Variants in POU2AF3 observed in about 807,000 individuals in gnomAD.
POU2AF3 encodes cancer susceptibility candidate 13.
chr11:111,298,975 G>T, the POU2AF3 span: 1 of 1,008,662 alleles, frequency 9.9e-7, no homozygotes, highest in Non-Finnish European at 1.2e-6. Context: ...GAGCCGAGCT[G>T]TGGCGGTCCC....
the POU2AF3 span, chr11:111,300,307 C>A: frequency 3.0e-6 from 1 of 328,784 alleles, no homozygotes; most frequent in Non-Finnish European, 5.5e-6. Flanking sequence ...CAAATTTCCA[C>A]GGATTCTTTT....
the POU2AF3 span, among the ~76,000 whole-genome samples, chr11:111,302,320 G>A: frequency 6.6e-6 from 1 of 152,136 alleles, no homozygotes; most frequent in African/African-American, 2.4e-5. Context: ...GTTCAGAGAT[G>A]GTTATATAAT....
the POU2AF3 span, among the ~76,000 whole-genome samples, chr11:111,302,813 G>A: frequency 7.9e-5 from 12 of 152,314 alleles, no homozygotes; most frequent in South Asian, 2.1e-3. Flanking sequence ...CTCACTGGAA[G>A]CCATCGGATG....
the POU2AF3 span, chr11:111,308,087 A>G: frequency 6.6e-7 from 1 of 1,506,390 alleles, no homozygotes; most frequent in Non-Finnish European, 8.9e-7. Context: ...ATCACCTTCA[A>G]ATTCCTCCAT....
the POU2AF3 span, among the ~76,000 whole-genome samples, chr11:111,304,011 T>C: frequency 6.6e-6 from 1 of 152,138 alleles, no homozygotes; most frequent in African/African-American, 2.4e-5. Flanking sequence ...AGTATTTAAA[T>C]ACAGTAGTTT....
chr11:111,306,680 C>T, the POU2AF3 span: 1 of 1,303,724 alleles, frequency 7.7e-7, no homozygotes, highest in Admixed American at 2.1e-5. Context: ...GGTAATAGTG[C>T]TTTGTGAGTT....
the POU2AF3 span, chr11:111,299,714 A>G: frequency 8.1e-6 from 10 of 1,231,828 alleles, no homozygotes; most frequent in Non-Finnish European, 9.1e-6. Flanking sequence ...CCTGCCCCAG[A>G]AAGGGAGGGG....
At chr11:111,307,432 C>T in the POU2AF3 span, among the ~76,000 whole-genome samples, 3 of 152,192 alleles carry the variant, frequency 2.0e-5, no homozygotes, top group Non-Finnish European at 4.4e-5. Flanking sequence ...GAAATTAACT[C>T]TGCAGAATAT....
chr11:111,308,296 G>A, the POU2AF3 span: 21 of 1,551,592 alleles, frequency 1.4e-5, no homozygotes, highest in African/African-American at 8.2e-5. Context: ...ACTGCGCATC[G>A]TGTGAGGCAG....
the POU2AF3 span, chr11:111,305,020 C>T: frequency 8.4e-7 from 1 of 1,185,216 alleles, no homozygotes; most frequent in African/African-American, 1.6e-5. Context: ...CTCAAACACT[C>T]TTTCAAAAGT....
At chr11:111,298,826 G>GGGGGGCC in the POU2AF3 span, 12 of 790,946 alleles carry the variant, frequency 1.5e-5, no homozygotes, top group South Asian at 6.7e-5. Flanking sequence ...CGTACCCCAG[G>GGGGGGCC]CCCCCGCCCG....
the POU2AF3 span, among the ~76,000 whole-genome samples, chr11:111,302,660 C>T: frequency 1.3e-5 from 2 of 152,216 alleles, no homozygotes; most frequent in Non-Finnish European, 2.9e-5. Flanking sequence ...TAAAGCAGGA[C>T]TTCTGAACCA....
the POU2AF3 span, among the ~76,000 whole-genome samples, chr11:111,305,223 C>T: frequency 6.6e-6 from 1 of 152,208 alleles, no homozygotes; most frequent in Non-Finnish European, 1.5e-5. Context: ...GTTTGTTCTT[C>T]ACATTTATTC....
the POU2AF3 span, chr11:111,299,110 C>A: frequency 2.1e-6 from 2 of 966,308 alleles, no homozygotes; most frequent in Non-Finnish European, 2.5e-6. Flanking sequence ...GGGCGGGGCA[C>A]GGGATTCCCT....
At chr11:111,307,978 T>G in the POU2AF3 span, 2 of 1,269,412 alleles carry the variant, frequency 1.6e-6, no homozygotes, top group Non-Finnish European at 2.1e-6. Flanking sequence ...CCCCTCATTT[T>G]CTCACTCTGC....
the POU2AF3 span, chr11:111,299,861 G>A: frequency 3.4e-6 from 2 of 595,004 alleles, no homozygotes; most frequent in African/African-American, 1.9e-5. Context: ...AGCGAGGGAG[G>A]GAGTTCCTCG....
At chr11:111,306,666 A>C in the POU2AF3 span, 2 of 1,421,756 alleles carry the variant, frequency 1.4e-6, no homozygotes, top group Non-Finnish European at 1.9e-6. Context: ...GTGTCTAACT[A>C]TGGGGTAATA....
the POU2AF3 span, among the ~76,000 whole-genome samples, chr11:111,307,800 C>T: frequency 6.6e-6 from 1 of 152,278 alleles, no homozygotes; most frequent in South Asian, 2.1e-4. Flanking sequence ...AGAACGAGCA[C>T]CCTCTAAAGT....
At chr11:111,306,292 C>G in the POU2AF3 span, 1 of 564,222 alleles carries the variant, frequency 1.8e-6, no homozygotes, top group Non-Finnish European at 2.8e-6. Flanking sequence ...GTTAAGCCCC[C>G]TTTCCCCCTA....
Sources: gnomAD v4.1 joint callset for allele counts (sites outside exome capture counted in the v4.1 genomes callset) on GRCh38, gnomAD v4.1.1 for gene constraint, MANE v1.5 for transcripts, NCBI Gene and HGNC (gene_info 2026-07-23, HGNC 2026-07-21) for gene names.